The following ABCC12 variants were observed in gnomAD, a reference collection of about 807,000 sequenced individuals.
ABCC12 encodes ATP-binding cassette sub-family C member 12.
In ABCC12, 142 loss-of-function variants were observed where a neutral mutation model predicts 151.1. That is an observed-to-expected ratio of 0.94 (90% CI 0.82 to 1.08). The LOEUF is 1.08. ABCC12 is among the 50% of genes least tolerant of loss of function. ABCC12 has a pLI of 0.00. For synonymous variants in ABCC12, 645 were observed against 646.4 expected (o/e 1.00, Z 0.03); for missense variants, 1,638 against 1,691.1 (o/e 0.97, Z 0.55).
At chr16:48,088,439 A>C in intron 26 of ABCC12, 106 bp downstream of exon 26, 1 of 1,301,706 alleles carries the variant, frequency 7.7e-7, no homozygotes, top group Non-Finnish European at 1.1e-6. Flanking sequence ...AATAACAGCC[A>C]ATCTGACACA....
At chr16:48,102,331 G>T (rs1015184420) in intron 22 of ABCC12, among the ~76,000 whole-genome samples, 2 of 152,222 alleles carry the variant, frequency 1.3e-5, no homozygotes, top group African/African-American at 4.8e-5. Context: ...GAAACCTCTA[G>T]AGGGTATTTA....
At chr16:48,092,640 G>T (rs1419548580) in intron 24 of ABCC12, among the ~76,000 whole-genome samples, 2 of 152,188 alleles carry the variant, frequency 1.3e-5, no homozygotes, top group Non-Finnish European at 2.9e-5. Context: ...CCGGTTTCCA[G>T]AGTTGAAGGT....
intron 9 of ABCC12, 105 bp downstream of exon 9, chr16:48,133,582 T>C: frequency 7.3e-7 from 1 of 1,360,708 alleles, no homozygotes; most frequent in Non-Finnish European, 1.0e-6. Context: ...CTGCCATGAT[T>C]GGATGTTCCT....
Position 48,107,366 on chromosome 16 carries a change from A to G in ABCC12, c.2431T>C (p.Phe811Leu). 1 of 1,614,176 alleles carries G rather than the reference A, an allele frequency of 6.2e-7. No individual in the cohort carries two copies. The highest frequency in any genetic ancestry group is 8.5e-7 in the Non-Finnish European group (1 of 1,180,030). The change falls in exon 20 of 31, where the codon TTC becomes CTC. Residue 811 changes from phenylalanine to leucine, a missense_variant. Transcript: ENST00000311303. Reference protein sequence around the residue: ...LFLLMIGSAAFSNWWLGLWLD... With the variant: ...LFLLMIGSAALSNWWLGLWLD... The stretch of plus-strand genomic sequence containing the variant: ...CAGAGACCCAGCCACCAGTTGCTGA[A>G]GGCAGCGCTGCCAATCATCAGGAGG...
chr16:48,148,326 T>A lies in ABCC12; in HGVS notation c.-50-1852A>T, dbSNP rs576585337. Among the ~76,000 whole-genome samples the A allele has an allele frequency of 2.2e-4, 33 of 151,758 alleles. 2 individuals carry two copies. The South Asian group carries it at 6.5e-3, about 30-fold the overall frequency. On this transcript the variant is annotated intron_variant, in intron 2 of 30. Coordinates refer to ENST00000311303, the MANE Select transcript of ABCC12 (RefSeq NM_001393797.1). ...ATCTCAGCTCATCATAACCTCTGCC[T>A]CCTGGGCTCAAGTGATCCTCCCTCC...
At chr16:48,085,971 C>T (rs1041257369) in intron 28 of ABCC12, among the ~76,000 whole-genome samples, 1 of 152,156 alleles carries the variant, frequency 6.6e-6, no homozygotes, top group African/African-American at 2.4e-5. Flanking sequence ...GATGCAGATG[C>T]AGTCCCAGAG....
chr16:48,130,746 A>G, intron 10 of ABCC12, 42 bp downstream of exon 10: 1 of 1,507,866 alleles, frequency 6.6e-7, no homozygotes. Flanking sequence ...TCCCACCCCA[A>G]AATGAGATCT....
intron 22 of ABCC12, among the ~76,000 whole-genome samples, chr16:48,103,032 C>T (rs1963362174): frequency 1.3e-5 from 2 of 152,240 alleles, no homozygotes; most frequent in African/African-American, 4.8e-5. Context: ...ATAGTCTGCC[C>T]TGACCTTTCT....
chr16:48,089,384 GAAGA>G (rs906442899), intron 25 of ABCC12, among the ~76,000 whole-genome samples: 9 of 152,046 alleles, frequency 5.9e-5, no homozygotes, highest in African/African-American at 2.2e-4. Context: ...TATACTAGAA[GAAGA>G]AAGATGATAA....
At chr16:48,085,328 C>T (rs1021408646) in intron 29 of ABCC12, among the ~76,000 whole-genome samples, 1 of 152,090 alleles carries the variant, frequency 6.6e-6, no homozygotes, top group Non-Finnish European at 1.5e-5. Flanking sequence ...TTTTCAAACT[C>T]AAACCACTTA....
At chr16:48,124,177 A>G in intron 12 of ABCC12, 36 bp downstream of exon 12, 1 of 1,602,540 alleles carries the variant, frequency 6.2e-7, no homozygotes, top group Non-Finnish European at 8.6e-7. Flanking sequence ...TGTCATGTTA[A>G]TGTTCCATCT....
intron 22 of ABCC12, 150 bp downstream of exon 22, chr16:48,103,992 G>A (rs971374818): frequency 1.3e-5 from 10 of 792,650 alleles, no homozygotes; most frequent in Non-Finnish European, 2.0e-5. Context: ...AATGCCAGAT[G>A]TATGCAAAGC....
At chr16:48,134,071 C>T (rs1342281988) in intron 8 of ABCC12, among the ~76,000 whole-genome samples, 1 of 152,172 alleles carries the variant, frequency 6.6e-6, no homozygotes, top group African/African-American at 2.4e-5. Flanking sequence ...AGCCCTGACA[C>T]TCTGTGTGTC....
intron 11 of ABCC12, among the ~76,000 whole-genome samples, chr16:48,125,075 T>C (rs1964196249): frequency 6.6e-6 from 1 of 152,162 alleles, no homozygotes; most frequent in South Asian, 2.1e-4. Flanking sequence ...TAGCTTGAGT[T>C]TTCCCAGAAA....
chr16:48,155,376 T>TA (rs111585385), intron 1 of ABCC12, among the ~76,000 whole-genome samples: 253 of 125,138 alleles, frequency 2.0e-3, no homozygotes, highest in South Asian at 6.8e-3. Context: ...ATTTAAAAGT[T>TA]AAAAAAAAAA....
At chr16:48,149,292 A>G (rs2150685437) in intron 2 of ABCC12, among the ~76,000 whole-genome samples, 1 of 151,808 alleles carries the variant, frequency 6.6e-6, no homozygotes, top group Admixed American at 6.5e-5. Flanking sequence ...GAAGAATAAA[A>G]CACAAAAGGA....
At chr16:48,117,693 A>C (rs1567451695) in intron 13 of ABCC12, among the ~76,000 whole-genome samples, 1 of 152,164 alleles carries the variant, frequency 6.6e-6, no homozygotes, top group African/African-American at 2.4e-5. Context: ...TGGGGGCTGC[A>C]GTTACTGGGG....
Position 48,104,341 on chromosome 16 carries a change from C to G in ABCC12, c.2701G>C (p.Asp901His), listed in dbSNP as rs1308452051. The G allele has an allele frequency of 6.2e-7, 1 of 1,613,998 alleles. No individual in the cohort carries two copies. Among genetic ancestry groups the G allele is most frequent in the East Asian group, 2.2e-5 (1 of 44,892 alleles). Residue 901 changes from aspartate to histidine, a missense_variant, in exon 22 of 31, where the codon GAC becomes CAC. Transcript: ENST00000311303. ...KILKSPMSFF[D>H]TTPTGRLMNR... ...ATTAGCCTGCCAGTGGGAGTCGTGT[C>G]AAAGAAACTCATTGGGCTCTTTAAG...
intron 20 of ABCC12, among the ~76,000 whole-genome samples, chr16:48,105,627 A>G (rs1963466896): frequency 6.6e-6 from 1 of 152,220 alleles, no homozygotes; most frequent in Admixed American, 6.5e-5. Context: ...CCCGAAGCTC[A>G]CTGCACCTCG....
Sources: allele counts gnomAD v4.1 joint callset (sites outside exome capture counted in the v4.1 genomes callset), GRCh38; gene constraint gnomAD v4.1.1; transcripts MANE v1.5; gene names NCBI Gene and HGNC (gene_info 2026-07-23, HGNC 2026-07-21).